Variants in MARCHF4 observed in about 807,000 individuals in gnomAD.
MARCHF4 encodes the protein E3 ubiquitin-protein ligase MARCHF4.
In MARCHF4, 14 loss-of-function variants were observed where a neutral mutation model predicts 43.9. The ratio of observed to expected loss-of-function variants is 0.32; its 90% CI spans 0.21 to 0.50. The LOEUF is 0.50. Ranked by LOEUF, MARCHF4 falls within the 20% of genes least tolerant of loss-of-function variation. The pLI, the probability that MARCHF4 is intolerant of heterozygous loss-of-function variation, is 0.98. For synonymous variants in MARCHF4, 226 were observed against 213.3 expected (o/e 1.06, Z -0.52); for missense variants, 468 against 536.7 (o/e 0.87, Z 1.27).
At chr2:216,330,096 A>T (rs1305823303) in intron 1 of MARCHF4, among the ~76,000 whole-genome samples, 1 of 137,662 alleles carries the variant, frequency 7.3e-6, no homozygotes, top group African/African-American at 3.0e-5. Context: ...CTGCCTCATT[A>T]AAAAAAAAAA....
intron 1 of MARCHF4, among the ~76,000 whole-genome samples, chr2:216,327,681 G>C (rs544969574): frequency 6.6e-6 from 1 of 152,180 alleles, no homozygotes; most frequent in Non-Finnish European, 1.5e-5. Context: ...GCTTTAGCAA[G>C]AGCCATGAAA....
In MARCHF4 at chr2:216,370,002, A is replaced by C. The variant is rs1574490722; in HGVS notation, c.259T>G (p.Trp87Gly). 6.5e-7 allele frequency: 1 copy of C among 1,538,864 alleles called. No homozygotes were observed. Among genetic ancestry groups the C allele is most frequent in the Non-Finnish European group, 8.8e-7 (1 of 1,138,086 alleles). Residue 87 changes from tryptophan to glycine, a missense_variant, in exon 1 of 4, where the codon TGG becomes GGG. Trp to Gly is a radical substitution (Grantham distance 184). Coordinates refer to ENST00000273067, the MANE Select transcript of MARCHF4 (RefSeq NM_020814.3). ...NTLPALGAGG[W>G]AGWRGPREVV... is the part of the protein sequence containing the mutation. ...TCTCGGGGGCCCCTCCAGCCTGCCC[A>C]CCCCCCGGCGCCCAGAGCCGGAAGG... is the stretch of plus-strand genomic sequence containing the variant.
In MARCHF4 at chr2:216,259,336, C is replaced by A. The variant is rs1029994969; in HGVS notation, c.1209G>T (p.Leu403=). The change falls in exon 4 of 4, where the codon CTG becomes CTT. Residue 403 remains leucine (L), a synonymous_variant. Transcript: ENST00000273067. ...CTCACACTGTCGTGACTCTCATGACCAGCTCTCGGCTGCTGCCTGGGGGAC... is the reference window on the plus strand; with the variant it reads ...CTCACACTGTCGTGACTCTCATGACAAGCTCTCGGCTGCTGCCTGGGGGAC... ...QRSPPGSSRE[L]VMRVTTV is the part of the protein sequence containing the mutation. The A allele has an allele frequency of 3.2e-6, 5 of 1,560,350 alleles. No homozygotes were observed. The highest frequency in any genetic ancestry group is 2.7e-5 in the African/African-American group (2 of 73,702).
At chr2:216,367,524 A>G (rs1249302117) in intron 1 of MARCHF4, among the ~76,000 whole-genome samples, 2 of 152,186 alleles carry the variant, frequency 1.3e-5, no homozygotes, top group Admixed American at 6.5e-5. Context: ...TGTTATTACT[A>G]CTATAACACA....
chr2:216,320,659 CTT>C (rs1691872206), intron 1 of MARCHF4, among the ~76,000 whole-genome samples: 3 of 105,076 alleles, frequency 2.9e-5, no homozygotes, highest in African/African-American at 1.3e-4. Flanking sequence ...TTCTTTCTTT[CTT>C]TCTTTCTTTC....
chr2:216,361,360 T>A (rs1323681396), intron 1 of MARCHF4, among the ~76,000 whole-genome samples: 2 of 152,116 alleles, frequency 1.3e-5, no homozygotes, highest in Admixed American at 1.3e-4. Context: ...GGGCTGTCCA[T>A]CCCATCCCAG....
chr2:216,264,313 G>C (rs756788015), intron 3 of MARCHF4, among the ~76,000 whole-genome samples: 1 of 152,180 alleles, frequency 6.6e-6, no homozygotes, highest in Non-Finnish European at 1.5e-5. Flanking sequence ...AACTGTCCTT[G>C]TACTAAATCT....
intron 1 of MARCHF4, among the ~76,000 whole-genome samples, chr2:216,309,444 A>G (rs1350910242): frequency 1.3e-5 from 2 of 152,186 alleles, no homozygotes; most frequent in Non-Finnish European, 2.9e-5. Context: ...TATCCTGTTC[A>G]ACTCACGTGG....
Position 216,344,026 on chromosome 2 carries a change from G to A in MARCHF4, c.516+25719C>T, listed in dbSNP as rs1455550207. On this transcript the variant is annotated intron_variant, in intron 1 of 3. Coordinates refer to ENST00000273067, the MANE Select transcript of MARCHF4 (RefSeq NM_020814.3). The stretch of plus-strand genomic sequence containing the variant: ...GCCACAGAGGATGGGGCAGGGGAGA[G>A]GGGACTGATGGGAACCCTGGCAAAA... 2.0e-5 allele frequency among the ~76,000 whole-genome samples: 3 copies of A among 152,126 alleles called. No homozygotes were observed. The East Asian group carries it at 5.8e-4, about 29-fold the overall frequency.
chr2:216,326,311 A>G (rs1241886441), intron 1 of MARCHF4, among the ~76,000 whole-genome samples: 1 of 150,902 alleles, frequency 6.6e-6, no homozygotes. Context: ...TCAGGAAACA[A>G]CAAGTGCTGG....
intron 1 of MARCHF4, among the ~76,000 whole-genome samples, chr2:216,362,934 C>T (rs1177795652): frequency 6.6e-6 from 1 of 152,136 alleles, no homozygotes; most frequent in African/African-American, 2.4e-5. Context: ...TCCAGGCTCA[C>T]TTCCAACTTG....
At chr2:216,359,566 A>G (rs1459008943) in intron 1 of MARCHF4, among the ~76,000 whole-genome samples, 1 of 152,194 alleles carries the variant, frequency 6.6e-6, no homozygotes, top group African/African-American at 2.4e-5. Context: ...TATGCCCACT[A>G]CAAAACTCTC....
At chr2:216,343,183 G>A (rs1031043799) in intron 1 of MARCHF4, among the ~76,000 whole-genome samples, 11 of 152,172 alleles carry the variant, frequency 7.2e-5, no homozygotes, top group African/African-American at 2.7e-4. Context: ...TGCTAGTGGG[G>A]TATCTGTCTT....
In MARCHF4 at chr2:216,274,733, T is replaced by C. The variant is rs189669912; in HGVS notation, c.865+2939A>G. ...TTTCCCCTGTGGACAGCCTTTCCTA[T>C]GAAAACCCTGAACTGAGACTTCTAC... On this transcript the variant is annotated intron_variant, in intron 3 of 3. Coordinates refer to ENST00000273067, the MANE Select transcript of MARCHF4 (RefSeq NM_020814.3). 4.5e-4 allele frequency among the ~76,000 whole-genome samples: 68 copies of C among 152,292 alleles called. 1 individual carries two copies. Among genetic ancestry groups the C allele is most frequent in the South Asian group, 1.4e-3 (7 of 4,830 alleles).
At chr2:216,279,237 T>C (rs1691084496) in intron 2 of MARCHF4, among the ~76,000 whole-genome samples, 1 of 152,038 alleles carries the variant, frequency 6.6e-6, no homozygotes, top group South Asian at 2.1e-4. Flanking sequence ...GAAGAGCATG[T>C]AGAAAGGCCT....
rs576006496 is a variant in MARCHF4, at chr2:216,283,272, A to G, written c.672+302T>C. Among the ~76,000 whole-genome samples, 55 of 148,648 alleles carry G rather than the reference A, an allele frequency of 3.7e-4. 1 individual carries two copies. The South Asian group carries it at 0.012, about 32-fold the overall frequency. ...CTTCCTCTCCTTTCTGCATTCATTT[A>G]TTCATCCTTTCACTTACTTATTCTC... On this transcript the variant is annotated intron_variant, in intron 2 of 3. Coordinates refer to ENST00000273067, the MANE Select transcript of MARCHF4 (RefSeq NM_020814.3).
At chr2:216,352,101 G>C (rs527424558) in intron 1 of MARCHF4, among the ~76,000 whole-genome samples, 1 of 152,198 alleles carries the variant, frequency 6.6e-6, no homozygotes, top group Admixed American at 6.5e-5. Context: ...CATGAGTCTT[G>C]AAAGAGATCC....
chr2:216,365,600 C>T (rs923479432), intron 1 of MARCHF4, among the ~76,000 whole-genome samples: 1 of 152,252 alleles, frequency 6.6e-6, no homozygotes, highest in African/African-American at 2.4e-5. Flanking sequence ...CTCAGTCTTG[C>T]AGCCTAAATC....
chr2:216,324,427 T>A (rs1309323631), intron 1 of MARCHF4, among the ~76,000 whole-genome samples: 2 of 151,362 alleles, frequency 1.3e-5, no homozygotes, highest in East Asian at 1.9e-4. Context: ...ACTATTCCAA[T>A]CAATAGAAAA....
Sources: allele counts gnomAD v4.1 joint callset (sites outside exome capture counted in the v4.1 genomes callset), GRCh38; gene constraint gnomAD v4.1.1; transcripts MANE v1.5; gene names NCBI Gene and HGNC (gene_info 2026-07-23, HGNC 2026-07-21).